Variants in TDRP observed in about 807,000 individuals in gnomAD.
TDRP encodes the protein testis development-related protein.
Under a neutral mutation model 10.5 loss-of-function variants are expected in TDRP, and 12 were observed. The observed-to-expected ratio is 1.15, with a 90% confidence interval of 0.73 to 1.86. TDRP has a LOEUF of 1.86. Ranked by LOEUF, TDRP falls within the 40% of genes most tolerant of loss-of-function variation. The pLI, the probability that TDRP is intolerant of heterozygous loss-of-function variation, is 0.00. For missense variants in TDRP, 353 were observed against 229.2 expected, an observed-to-expected ratio of 1.54 and a Z score of -3.49; for synonymous variants, 139 against 95.4, an observed-to-expected ratio of 1.46 and a Z score of -2.67.
intron 1 of TDRP, among the ~76,000 whole-genome samples, chr8:526,472 A>T (rs6983658): frequency 6.6e-6 from 1 of 151,994 alleles, no homozygotes; most frequent in Non-Finnish European, 1.5e-5. Flanking sequence ...CGAAATTATC[A>T]TATGGGTTTT....
At chr8:545,623 T>G (rs950348757), upstream of TDRP, 2 of 152,082 alleles carry the variant, frequency 1.3e-5, no homozygotes, top group Non-Finnish European at 2.9e-5. Context: ...CCCCAGCGCT[T>G]CAGGGCATCC....
rs114623305 is a variant in TDRP, at chr8:537,805, G to A, written c.108+6845C>T. 9.7e-3 allele frequency among the ~76,000 whole-genome samples: 1,482 copies of A among 152,284 alleles called. 22 individuals carry two copies. The highest frequency in any genetic ancestry group is 0.034 in the African/African-American group (1,420 of 41,550). On this transcript the variant is annotated intron_variant, in intron 1 of 2. Coordinates refer to ENST00000324079, the MANE Select transcript of TDRP (RefSeq NM_001384899.1). ...TCCAAGTTGCAAATCCTGCCTCCCTGTAAAGATAGGATAAATTTAGCAATT... is the reference window on the plus strand; with the variant it reads ...TCCAAGTTGCAAATCCTGCCTCCCTATAAAGATAGGATAAATTTAGCAATT...
chr8:504,964 G>A (rs561956751), intron 1 of TDRP, among the ~76,000 whole-genome samples: 4 of 152,264 alleles, frequency 2.6e-5, no homozygotes, highest in East Asian at 1.9e-4. Context: ...CAGGGAAAGG[G>A]AACTTTTACT....
chr8:495,322 T>C (rs2116715767), intron 1 of TDRP, among the ~76,000 whole-genome samples: 1 of 152,248 alleles, frequency 6.6e-6, no homozygotes, highest in South Asian at 2.1e-4. Context: ...AAGGGGGTCT[T>C]CTCCAAGGTC....
At position 492,471 on chromosome 8, in the gene TDRP, C is replaced by T. The variant is rs758906431; in HGVS notation, c.486G>A (p.Ala162=). The change falls in exon 3 of 3, where the codon GCG becomes GCA. Residue 162 remains alanine (A), a synonymous_variant. Transcript: ENST00000324079. ...GTCGGATGCTCACCAGCCTCCCTGC[C>T]GCGCGCAGGCTCCACCTGGAGCTGT... ...SANSSRWSLR[A]AGRLVSIRRQ... 34 of 1,605,478 alleles carry T rather than the reference C, an allele frequency of 2.1e-5. No individual in the cohort carries two copies. The highest frequency in any genetic ancestry group is 1.1e-4 in the South Asian group (10 of 90,470).
At chr8:511,631 A>G (rs1206858286) in intron 1 of TDRP, among the ~76,000 whole-genome samples, 1 of 152,230 alleles carries the variant, frequency 6.6e-6, no homozygotes, top group African/African-American at 2.4e-5. Context: ...CTCTCCAACA[A>G]TAGAATGTAC....
At chr8:500,440 G>T (rs77200232) in intron 1 of TDRP, among the ~76,000 whole-genome samples, 2,067 of 152,202 alleles carry the variant, frequency 0.014, 34 homozygotes, top group African/African-American at 0.048. Flanking sequence ...GCTTGGGTGT[G>T]GCAACCCTGA....
chr8:522,854 G>C (rs534165661), intron 1 of TDRP, among the ~76,000 whole-genome samples: 18 of 152,302 alleles, frequency 1.2e-4, no homozygotes, highest in African/African-American at 4.1e-4. Flanking sequence ...TTTTAGTAGA[G>C]AACATGGAAT....
intron 1 of TDRP, among the ~76,000 whole-genome samples, chr8:506,308 C>T (rs1462160413): frequency 6.6e-6 from 1 of 152,188 alleles, no homozygotes; most frequent in Non-Finnish European, 1.5e-5. Context: ...ACCCTCCCAG[C>T]TCGGCAGCGG....
rs559081486 is a variant in TDRP, at chr8:536,083, A to C, written c.108+8567T>G. Among the ~76,000 whole-genome samples the C allele has an allele frequency of 2.4e-4, 37 of 152,368 alleles. No individual in the cohort carries two copies. In the South Asian group the frequency reaches 7.5e-3, roughly 31 times the overall value. On this transcript the variant is annotated intron_variant, in intron 1 of 2. Transcript: ENST00000324079. ...TTAGGGTTTTAAACTCTCAGGAATA[A>C]AAATTTCAACCTATTATTAACATTT... is the stretch of plus-strand genomic sequence containing the variant.
intron 1 of TDRP, among the ~76,000 whole-genome samples, chr8:498,808 G>A (rs189660298): frequency 1.6e-4 from 25 of 152,230 alleles, no homozygotes; most frequent in East Asian, 7.7e-4. Flanking sequence ...TCATGGAAGC[G>A]GATTTCCCCC....
In TDRP at chr8:490,961, T is replaced by TA. The variant is rs1800954419; in HGVS notation, c.*1437dup. On this transcript the variant is annotated 3_prime_UTR_variant, in exon 3 of 3. Coordinates refer to ENST00000324079, the MANE Select transcript of TDRP (RefSeq NM_001384899.1). ...CAGACATAGAGGACAGGTGAATAGA[T>TA]ACGGATGATTGATAGGTATAAGTGA... 6.6e-6 allele frequency: 1 copy of TA among 152,100 alleles called. No homozygotes were observed. Among genetic ancestry groups the TA allele is most frequent in the Admixed American group, 6.5e-5 (1 of 15,268 alleles). The allele number at this position is 152,100 out of a possible 1,614,324, so 9.4% of individuals were successfully genotyped here. A position where few individuals can be genotyped will look rare whatever the true frequency, so the allele number is the denominator to read the frequency against.
At chr8:521,281 G>C (rs933148604) in intron 1 of TDRP, among the ~76,000 whole-genome samples, 2 of 151,468 alleles carry the variant, frequency 1.3e-5, no homozygotes, top group Admixed American at 6.6e-5. Context: ...GGCAGGCGTG[G>C]TGGTGGGCGC....
intron 1 of TDRP, among the ~76,000 whole-genome samples, chr8:524,321 A>G (rs931075094): frequency 6.6e-6 from 1 of 152,196 alleles, no homozygotes; most frequent in African/African-American, 2.4e-5. Flanking sequence ...CTTTCCCAAG[A>G]AGGATGGGTA....
intron 1 of TDRP, among the ~76,000 whole-genome samples, chr8:510,570 G>T (rs189259371): frequency 4.3e-4 from 65 of 152,256 alleles, no homozygotes; most frequent in African/African-American, 1.5e-3. Flanking sequence ...GGAAGGCAGT[G>T]GAATAACACA....
chr8:493,458 G>A (rs185866679), intron 2 of TDRP, among the ~76,000 whole-genome samples: 2 of 152,376 alleles, frequency 1.3e-5, no homozygotes, highest in East Asian at 3.9e-4. Flanking sequence ...GAAGGGCCAT[G>A]TGTCTGTCCT....
chr8:505,494 G>A (rs1046439391), intron 1 of TDRP, among the ~76,000 whole-genome samples: 11 of 152,180 alleles, frequency 7.2e-5, no homozygotes, highest in Admixed American at 1.3e-4. Flanking sequence ...ACTGCGAACC[G>A]AAATCCAGAC....
At chr8:497,635 G>A (rs1374291655) in intron 1 of TDRP, among the ~76,000 whole-genome samples, 1 of 152,208 alleles carries the variant, frequency 6.6e-6, no homozygotes, top group Non-Finnish European at 1.5e-5. Flanking sequence ...AATTCAAGCT[G>A]CCAGCTGCAA....
At chr8:530,399 TTC>T (rs1563130361) in intron 1 of TDRP, among the ~76,000 whole-genome samples, 2 of 152,180 alleles carry the variant, frequency 1.3e-5, no homozygotes, top group Non-Finnish European at 2.9e-5. Context: ...TGGGCCATAT[TTC>T]TCTGTTTCTT....
Sources: gnomAD v4.1 joint callset for allele counts (sites outside exome capture counted in the v4.1 genomes callset) on GRCh38, gnomAD v4.1.1 for gene constraint, MANE v1.5 for transcripts, NCBI Gene and HGNC (gene_info 2026-07-23, HGNC 2026-07-21) for gene names.